SPAG7: variants seen among roughly 807,000 people sequenced by gnomAD.
The protein encoded by SPAG7 is sperm associated antigen 7, also known as sperm-associated antigen 7.
In SPAG7, 20 loss-of-function variants were observed where a neutral mutation model predicts 30.6. That is an observed-to-expected ratio of 0.65 (90% CI 0.46 to 0.95). The LOEUF is 0.95. Ranked by LOEUF, SPAG7 falls within the 40% of genes least tolerant of loss-of-function variation. SPAG7 has a pLI of 0.00. For missense variants in SPAG7, 276 were observed against 291.1 expected (o/e 0.95, Z 0.38); for synonymous variants, 127 against 104.2 (o/e 1.22, Z -1.33).
chr17:4,964,951 C>G (rs933812645), intron 1 of SPAG7, among the ~76,000 whole-genome samples: 2 of 151,752 alleles, frequency 1.3e-5, no homozygotes, highest in Non-Finnish European at 2.9e-5. Context: ...CTCTCTTTGC[C>G]CAGGCTGGAG....
Position 4,959,417 on chromosome 17 carries a change from A to C in SPAG7, c.*117T>G. 1.1e-4 allele frequency: 79 copies of C among 736,858 alleles called. No individual in the cohort carries two copies. Among genetic ancestry groups the C allele is most frequent in the Non-Finnish European group, 1.7e-4 (73 of 429,220 alleles). 45.6% of individuals were successfully genotyped at this position (736,858 alleles called of 1,614,324 possible). The stretch of plus-strand genomic sequence containing the variant: ...CACCTGTTTTCCCCCAGCCTGAGGG[A>C]CAGCTGGTAGGAGGTGGTTCAGAGG... On this transcript the variant is annotated 3_prime_UTR_variant, in exon 7 of 7. Transcript: ENST00000206020.
intron 6 of SPAG7, 58 bp downstream of exon 6, chr17:4,959,702 C>T (rs781545535): frequency 3.8e-5 from 62 of 1,613,650 alleles, no homozygotes; most frequent in Non-Finnish European, 4.7e-5. Context: ...CCTCCACTGC[C>T]CTCCTGCCGC....
intron 1 of SPAG7, chr17:4,967,140 G>C: frequency 1.0e-5 from 10 of 986,344 alleles, no homozygotes; most frequent in Non-Finnish European, 1.2e-5. Flanking sequence ...CGCCCGGGCA[G>C]CTCGGGAATT....
rs2151147046 is a variant in SPAG7 at position 4,960,225 on chromosome 17, G to A, written c.327+9C>T. ...GGAGAGGAGAGAATGAGGAATTCAG[G>A]CCCTTTACCTTTTTGAAGATCATGA... On this transcript the variant is annotated intron_variant, in intron 4 of 6. Transcript: ENST00000206020. 1.9e-6 allele frequency: 3 copies of A among 1,613,388 alleles called. No individual in the cohort carries two copies. The highest frequency in any genetic ancestry group is 2.2e-5 in the East Asian group (1 of 44,884).
intron 3 of SPAG7, 35 bp from the exon 4 acceptor site, chr17:4,960,353 G>A: frequency 3.7e-6 from 6 of 1,611,070 alleles, no homozygotes; most frequent in Non-Finnish European, 5.1e-6. Context: ...AGAGCATCTT[G>A]AGCCAGGAGC....
chr17:4,960,777 T>C lies in SPAG7; in HGVS notation c.153+9A>G. On this transcript the variant is annotated intron_variant, in intron 2 of 6. Coordinates refer to ENST00000206020, the MANE Select transcript of SPAG7 (RefSeq NM_004890.3). ...TGAGTCTGCCTTTGATCACTCCAGTTGTTCTCACCCTTTTACGAAACTCCA... is the reference window on the plus strand; with the variant it reads ...TGAGTCTGCCTTTGATCACTCCAGTCGTTCTCACCCTTTTACGAAACTCCA... 2 of 1,613,222 alleles carry C rather than the reference T, an allele frequency of 1.2e-6. No individual in the cohort carries two copies. The highest frequency in any genetic ancestry group is 1.1e-5 in the South Asian group (1 of 91,064).
Position 4,959,847 on chromosome 17 carries a change from A to G in SPAG7, c.487T>C (p.Tyr163His). 1 of 1,614,020 alleles carries G rather than the reference A, an allele frequency of 6.2e-7. No homozygotes were observed. Among genetic ancestry groups the G allele is most frequent in the Non-Finnish European group, 8.5e-7 (1 of 1,180,014 alleles). The change falls in exon 6 of 7, where the codon TAC becomes CAC. Residue 163 changes from tyrosine to histidine, a missense_variant. Coordinates refer to ENST00000206020, the MANE Select transcript of SPAG7 (RefSeq NM_004890.3). ...GPVVVSPASD[Y>H]KDKYSHLIGK... The stretch of plus-strand genomic sequence containing the variant: ...ATGAGGTGGCTGTACTTGTCCTTGT[A>G]GTCGCTGGCAGGGCTCACCACCACA...
chr17:4,960,657 C>A, intron 2 of SPAG7, 110 bp from the exon 3 acceptor site: 1 of 1,350,846 alleles, frequency 7.4e-7, no homozygotes, highest in Non-Finnish European at 1.1e-6. Context: ...TCCCCAGCCT[C>A]CAAGCCACTG....
intron 1 of SPAG7, chr17:4,966,654 C>T: frequency 5.1e-6 from 5 of 985,452 alleles, no homozygotes; most frequent in Non-Finnish European, 6.0e-6. Context: ...CAGGTGGCCG[C>T]TCTCACAGTT....
intron 1 of SPAG7, among the ~76,000 whole-genome samples, chr17:4,964,265 A>C (rs1010532999): frequency 2.0e-5 from 3 of 150,892 alleles, no homozygotes; most frequent in Non-Finnish European, 4.4e-5. Context: ...ATGTGATTTT[A>C]CTACCTCTAG....
chr17:4,965,517 CTTTT>C (rs374043849), intron 1 of SPAG7, among the ~76,000 whole-genome samples: 2 of 148,994 alleles, frequency 1.3e-5, no homozygotes, highest in Non-Finnish European at 3.0e-5. Flanking sequence ...ATCATAACTT[CTTTT>C]TTTTTTGTCT....
intron 3 of SPAG7, 35 bp from the exon 4 acceptor site, chr17:4,960,353 G>C (rs1971841315): frequency 9.9e-6 from 16 of 1,611,068 alleles, no homozygotes; most frequent in Non-Finnish European, 1.3e-5. Context: ...AGAGCATCTT[G>C]AGCCAGGAGC....
At chr17:4,966,835 T>A in intron 1 of SPAG7, 14 of 985,482 alleles carry the variant, frequency 1.4e-5, no homozygotes, top group Non-Finnish European at 1.7e-5. Flanking sequence ...CCTTGAATAC[T>A]TGGAAGGCGT....
intron 1 of SPAG7, among the ~76,000 whole-genome samples, chr17:4,964,269 C>T (rs1020540671): frequency 1.3e-5 from 2 of 152,084 alleles, no homozygotes; most frequent in African/African-American, 4.8e-5. Context: ...GATTTTACTA[C>T]CTCTAGAGAT....
chr17:4,961,571 C>T (rs548093168), intron 1 of SPAG7, among the ~76,000 whole-genome samples: 14 of 149,266 alleles, frequency 9.4e-5, no homozygotes, highest in Non-Finnish European at 1.8e-4. Flanking sequence ...CTGACTAACA[C>T]GGTGAAACCC....
chr17:4,963,596 C>G (rs535840235), intron 1 of SPAG7, among the ~76,000 whole-genome samples: 2 of 151,532 alleles, frequency 1.3e-5, no homozygotes, highest in East Asian at 3.9e-4. Flanking sequence ...GTAGCTGGGA[C>G]TATAGGCATG....
intron 2 of SPAG7, 76 bp from the exon 3 acceptor site, chr17:4,960,623 C>A: frequency 7.4e-7 from 1 of 1,357,072 alleles, no homozygotes; most frequent in Non-Finnish European, 1.0e-6. Context: ...TGAGCCTGGG[C>A]CCTTCTACGC....
Position 4,962,394 on chromosome 17 carries a change from C to T in SPAG7, c.86-1541G>A, listed in dbSNP as rs758486001. Among the ~76,000 whole-genome samples, 127 of 152,168 alleles carry T rather than the reference C, an allele frequency of 8.3e-4. 2 individuals carry two copies. The highest frequency in any genetic ancestry group is 1.3e-3 in the Non-Finnish European group (91 of 67,990). ...TTCCCAAAAGTGCTGGAATTATAGG[C>T]GTGAGCCACTGCACCCGGCCTATTT... On this transcript the variant is annotated intron_variant, in intron 1 of 6. Coordinates refer to ENST00000206020, the MANE Select transcript of SPAG7 (RefSeq NM_004890.3).
At chr17:4,959,958 C>G in intron 5 of SPAG7, 42 bp from the exon 6 acceptor site, 2 of 1,613,152 alleles carry the variant, frequency 1.2e-6, no homozygotes, top group Non-Finnish European at 1.7e-6. Context: ...GGGCCCCAGC[C>G]CAAACCCCCA....
Sources: allele counts gnomAD v4.1 joint callset (sites outside exome capture counted in the v4.1 genomes callset), GRCh38; gene constraint gnomAD v4.1.1; transcripts MANE v1.5; gene names NCBI Gene and HGNC (gene_info 2026-07-23, HGNC 2026-07-21).